TEF: variants seen among roughly 807,000 people sequenced by gnomAD.
TEF encodes the protein TEF transcription factor, PAR bZIP family member, also known as thyrotroph embryonic factor.
Under a neutral mutation model 20.8 loss-of-function variants are expected in TEF, and 3 were observed. The ratio of observed to expected loss-of-function variants is 0.14; its 90% CI spans 0.07 to 0.37. The LOEUF is 0.37. Ranked by LOEUF, TEF falls within the 10% of genes least tolerant of loss-of-function variation. The probability of loss-of-function intolerance (pLI) is 1.00; values close to 1 mark genes in which losing one functional copy is unlikely to be tolerated. For synonymous variants in TEF, 180 were observed against 171.1 expected, an observed-to-expected ratio of 1.05 and a Z score of -0.41; for missense variants, 296 against 397.9, an observed-to-expected ratio of 0.74 and a Z score of 2.18.
At chr22:41,378,439 G>A (rs1182590584), upstream of TEF, among the ~76,000 whole-genome samples, 2 of 148,744 alleles carry the variant, frequency 1.3e-5, no homozygotes, top group African/African-American at 2.5e-5. Context: ...TCCGCCTCCC[G>A]GGTTCACGCC....
chr22:41,382,326 C>G, intron 1 of TEF, 125 bp downstream of exon 1: 2 of 874,064 alleles, frequency 2.3e-6, no homozygotes, highest in Non-Finnish European at 3.0e-6. Flanking sequence ...GGGATGGGGC[C>G]TGGATGACCA....
upstream of TEF, among the ~76,000 whole-genome samples, chr22:41,378,654 TAG>T (rs2036977602): frequency 6.6e-6 from 1 of 152,046 alleles, no homozygotes; most frequent in South Asian, 2.1e-4. Flanking sequence ...ATATTCTTAA[TAG>T]AGACAGGGTT....
Position 41,397,087 on chromosome 22 carries a change from G to T in TEF, c.*1127G>T. The stretch of plus-strand genomic sequence containing the variant: ...CTTCAGGATCTCTCCCATGCGAGCT[G>T]CCCGGAGGGTGTCAGCAGGGCAAGA... On this transcript the variant is annotated 3_prime_UTR_variant, in exon 4 of 4. Coordinates refer to ENST00000266304, the MANE Select transcript of TEF (RefSeq NM_003216.4). 1 of 398,750 alleles carries T rather than the reference G, an allele frequency of 2.5e-6. No homozygotes were observed. Among genetic ancestry groups the T allele is most frequent in the Non-Finnish European group, 4.4e-6 (1 of 226,182 alleles). 24.7% of individuals were successfully genotyped at this position (398,750 alleles called of 1,614,324 possible). A position where few individuals can be genotyped will look rare whatever the true frequency, so the allele number is the denominator to read the frequency against.
chr22:41,380,267 C>T (rs912004729), upstream of TEF, among the ~76,000 whole-genome samples: 3 of 152,204 alleles, frequency 2.0e-5, no homozygotes, highest in African/African-American at 7.2e-5. Flanking sequence ...ATTCTCGTGC[C>T]TCAGCTTCCC....
intron 1 of TEF, chr22:41,383,116 G>C (rs905275318): frequency 2.2e-6 from 1 of 452,220 alleles, no homozygotes; most frequent in Admixed American, 2.4e-5. Flanking sequence ...AGAGCCATCA[G>C]TTATTCAGGG....
intron 1 of TEF, among the ~76,000 whole-genome samples, chr22:41,369,540 T>C (rs1018726663): frequency 6.6e-6 from 1 of 152,208 alleles, no homozygotes; most frequent in Non-Finnish European, 1.5e-5. Context: ...GCCACAGGAC[T>C]CACAATGACT....
At chr22:41,371,040 A>G (rs2036877184) in intron 1 of TEF, among the ~76,000 whole-genome samples, 1 of 151,682 alleles carries the variant, frequency 6.6e-6, no homozygotes, top group South Asian at 2.1e-4. Context: ...AATCCTGAAA[A>G]CCACTCTTCC....
intron 1 of TEF, among the ~76,000 whole-genome samples, chr22:41,372,467 G>A (rs2036893226): frequency 6.6e-6 from 1 of 152,184 alleles, no homozygotes; most frequent in South Asian, 2.1e-4. Context: ...GCTCTGCAAG[G>A]AAGGTATGAT....
chr22:41,369,753 C>G (rs1191823828), intron 1 of TEF, among the ~76,000 whole-genome samples: 1 of 152,206 alleles, frequency 6.6e-6, no homozygotes, highest in Non-Finnish European at 1.5e-5. Flanking sequence ...TCTCTTCCAT[C>G]TGCCACTGCT....
rs183117410 is a variant in TEF at position 41,373,677 on chromosome 22, C to T, written c.67+6078C>T. Among the ~76,000 whole-genome samples the T allele has an allele frequency of 1.8e-3, 280 of 151,996 alleles. 1 individual carries two copies. Among genetic ancestry groups the T allele is most frequent in the African/African-American group, 6.4e-3 (266 of 41,452 alleles). ...TAGAGACGAGGTGTCACCATCTTGGCCAGGCTGGTCTTGAACTCCTGACCT... is the reference window on the plus strand; with the variant it reads ...TAGAGACGAGGTGTCACCATCTTGGTCAGGCTGGTCTTGAACTCCTGACCT... On this transcript the variant is annotated intron_variant, in intron 1 of 3. Coordinates refer to the TEF transcript ENST00000406644.
Position 41,395,957 on chromosome 22 carries a change from G to A in TEF, c.909G>A (p.Leu303=), listed in dbSNP as rs748976764. ...AGTATGAGACCAAATACGGGCCCTTGTAACCCGTGCCCCCCGCCCGGGCGG... is the reference window on the plus strand; with the variant it reads ...AGTATGAGACCAAATACGGGCCCTTATAACCCGTGCCCCCCGCCCGGGCGG... ...VSKYETKYGP[L] Residue 303 remains leucine (L), a synonymous_variant, in exon 4 of 4, where the codon TTG becomes TTA. Coordinates refer to ENST00000266304, the MANE Select transcript of TEF (RefSeq NM_003216.4). 57 of 1,609,340 alleles carry A rather than the reference G, an allele frequency of 3.5e-5. No individual in the cohort carries two copies. The highest frequency in any genetic ancestry group is 4.4e-5 in the Non-Finnish European group (52 of 1,176,062).
chr22:41,377,128 T>C (rs977275393), upstream of TEF: 1 of 152,140 alleles, frequency 6.6e-6, no homozygotes, highest in African/African-American at 2.4e-5. Context: ...GCCTCCTGAG[T>C]AGCTAGGGTA....
chr22:41,375,610 G>A lies in TEF; in HGVS notation c.67+8011G>A, dbSNP rs958847616. On this transcript the variant is annotated intron_variant, in intron 1 of 3. Transcript: ENST00000406644. ...CTATAAATACAAAAAAATTAGCCGG[G>A]CTACTTGGGAGGCTGAGACAGGAGA... Among the ~76,000 whole-genome samples the A allele has an allele frequency of 6.6e-5, 10 of 151,966 alleles. No homozygotes were observed. In the South Asian group the frequency reaches 1.7e-3, roughly 25 times the overall value.
chr22:41,381,425 C>G (rs1035772721), upstream of TEF, among the ~76,000 whole-genome samples: 1 of 152,136 alleles, frequency 6.6e-6, no homozygotes, highest in South Asian at 2.1e-4. Context: ...CGCGACCAGA[C>G]TCGGCTGCGG....
chr22:41,385,311 G>A (rs1403762382), intron 1 of TEF, among the ~76,000 whole-genome samples: 1 of 152,048 alleles, frequency 6.6e-6, no homozygotes, highest in African/African-American at 2.4e-5. Context: ...GGTGAGCTGA[G>A]ACCGCGCCAT....
intron 2 of TEF, 40 bp downstream of exon 2, chr22:41,387,708 C>T (rs1238861237): frequency 2.6e-6 from 4 of 1,554,298 alleles, no homozygotes; most frequent in East Asian, 2.4e-5. Context: ...CTGTCCCATC[C>T]AGGGAAGTCC....
chr22:41,375,186 C>T (rs2036925671), intron 1 of TEF, among the ~76,000 whole-genome samples: 1 of 152,188 alleles, frequency 6.6e-6, no homozygotes, highest in Non-Finnish European at 1.5e-5. Context: ...TGGTAGCGGA[C>T]AGAATGCAAG....
intron 1 of TEF, among the ~76,000 whole-genome samples, chr22:41,371,657 C>T (rs1297780273): frequency 6.6e-6 from 1 of 152,222 alleles, no homozygotes; most frequent in Non-Finnish European, 1.5e-5. Flanking sequence ...GGCCTGGCGT[C>T]GTGCGTCTTC....
In TEF at chr22:41,395,993, G is replaced by A; in HGVS notation, c.*33G>A. The stretch of plus-strand genomic sequence containing the variant: ...CCCCCGCCCGGGCGGGGTACTGCCT[G>A]CACCTCAGACCTCTGCCTGGGGGCT... On this transcript the variant is annotated 3_prime_UTR_variant, in exon 4 of 4. Transcript: ENST00000266304. 6.3e-7 allele frequency: 1 copy of A among 1,596,298 alleles called. No homozygotes were observed. Among genetic ancestry groups the A allele is most frequent in the Non-Finnish European group, 8.6e-7 (1 of 1,167,048 alleles).
Sources: gnomAD v4.1 joint callset for allele counts (sites outside exome capture counted in the v4.1 genomes callset) on GRCh38, gnomAD v4.1.1 for gene constraint, MANE v1.5 for transcripts, NCBI Gene and HGNC (gene_info 2026-07-23, HGNC 2026-07-21) for gene names.